The following PRKD3 variants were observed in gnomAD, a reference collection of about 807,000 sequenced individuals.
PRKD3 encodes protein kinase D3.
A neutral mutation model predicts 99.2 loss-of-function variants in PRKD3; 47 were observed. The ratio of observed to expected loss-of-function variants is 0.47; its 90% CI spans 0.38 to 0.60. The LOEUF (loss-of-function observed/expected upper bound fraction) is 0.60, where lower values mean the gene tolerates loss of function less well. PRKD3 is among the 20% of genes least tolerant of loss of function. The pLI, the probability that PRKD3 is intolerant of heterozygous loss-of-function variation, is 0.00. For missense variants in PRKD3, 1,019 were observed against 1,088.4 expected, an observed-to-expected ratio of 0.94 and a Z score of 0.90; for synonymous variants, 392 against 355.4, an observed-to-expected ratio of 1.10 and a Z score of -1.16.
chr2:37,304,754 A>G (rs13401288), intron 2 of PRKD3, among the ~76,000 whole-genome samples: 6,483 of 151,312 alleles, frequency 0.043, 155 homozygotes, highest in African/African-American at 0.049. Flanking sequence ...AAAAAAAGAA[A>G]AAGAAAAGAA....
intron 2 of PRKD3, among the ~76,000 whole-genome samples, chr2:37,307,796 CAA>C (rs1671227952): frequency 1.3e-5 from 2 of 152,200 alleles, no homozygotes; most frequent in Non-Finnish European, 2.9e-5. Flanking sequence ...GGATGAAATT[CAA>C]AGAGTGAACG....
chr2:37,254,388 G>A, intron 17 of PRKD3, 99 bp from the exon 18 acceptor site: 1 of 855,948 alleles, frequency 1.2e-6, no homozygotes, highest in Non-Finnish European at 1.9e-6. Flanking sequence ...GAAATACAGG[G>A]TTGAGGAATT....
Position 37,316,544 on chromosome 2 carries a change from T to C in PRKD3, c.-20A>G. On this transcript the variant is annotated 5_prime_UTR_variant, in exon 2 of 19. Coordinates refer to ENST00000234179, the MANE Select transcript of PRKD3 (RefSeq NM_005813.6). ...AGACATCTGCCTTTCTTTAATCTTT[T>C]AAAATAGTTGTCGATTCTTTTTCAA... is the stretch of plus-strand genomic sequence containing the variant. 1 of 1,598,660 alleles carries C rather than the reference T, an allele frequency of 6.3e-7. No individual in the cohort carries two copies. Among genetic ancestry groups the C allele is most frequent in the South Asian group, 1.1e-5 (1 of 88,900 alleles).
intron 14 of PRKD3, among the ~76,000 whole-genome samples, chr2:37,260,782 T>C (rs1013772315): frequency 1.4e-4 from 22 of 152,216 alleles, no homozygotes; most frequent in African/African-American, 4.6e-4. Context: ...TGATGGTATT[T>C]GCTTAAGAGT....
intron 14 of PRKD3, among the ~76,000 whole-genome samples, chr2:37,263,326 A>C (rs1388482868): frequency 6.6e-6 from 1 of 152,112 alleles, no homozygotes; most frequent in Non-Finnish European, 1.5e-5. Flanking sequence ...TTTGTAATTT[A>C]TTTCTGCTTT....
intron 2 of PRKD3, among the ~76,000 whole-genome samples, chr2:37,297,190 G>A (rs1670712673): frequency 1.3e-5 from 2 of 152,104 alleles, no homozygotes; most frequent in Non-Finnish European, 2.9e-5. Flanking sequence ...AGAACCACCT[G>A]TAGAGCTTAA....
At chr2:37,258,930 T>C (rs913711738) in intron 16 of PRKD3, among the ~76,000 whole-genome samples, 6 of 152,070 alleles carry the variant, frequency 3.9e-5, no homozygotes, top group South Asian at 2.1e-4. Context: ...TTGCCAATTA[T>C]GGAAAATGGC....
intron 6 of PRKD3, among the ~76,000 whole-genome samples, chr2:37,284,358 C>G (rs969596908): frequency 6.6e-6 from 1 of 152,096 alleles, no homozygotes; most frequent in Non-Finnish European, 1.5e-5. Context: ...TTCCAGAACC[C>G]TAAAAAGTTG....
intron 13 of PRKD3, 44 bp from the exon 14 acceptor site, chr2:37,267,580 G>A: frequency 5.2e-6 from 7 of 1,351,810 alleles, no homozygotes; most frequent in Non-Finnish European, 7.4e-6. Flanking sequence ...CAAACTGACA[G>A]CTTTATTAGG....
chr2:37,298,361 T>C (rs1055812436), intron 2 of PRKD3, among the ~76,000 whole-genome samples: 1 of 152,114 alleles, frequency 6.6e-6, no homozygotes, highest in Non-Finnish European at 1.5e-5. Context: ...GTTCTGCAGC[T>C]TGCTCTTTTT....
chr2:37,289,244 G>C, intron 5 of PRKD3, 112 bp downstream of exon 5: 3 of 1,266,992 alleles, frequency 2.4e-6, no homozygotes, highest in Non-Finnish European at 3.2e-6. Flanking sequence ...CTTAAGTGTA[G>C]GAACATTACC....
intron 17 of PRKD3, 93 bp downstream of exon 17, chr2:37,256,569 G>C: frequency 3.7e-6 from 5 of 1,369,360 alleles, no homozygotes; most frequent in South Asian, 1.6e-5. Flanking sequence ...AAGATAAGTT[G>C]CAAGAGACAG....
At chr2:37,253,601 T>G (rs1007365356) in intron 18 of PRKD3, among the ~76,000 whole-genome samples, 4 of 152,192 alleles carry the variant, frequency 2.6e-5, no homozygotes, top group African/African-American at 9.6e-5. Flanking sequence ...AAAATTTGCT[T>G]CAGGCTTCTT....
rs1667990009 is a variant in PRKD3, at chr2:37,256,808, G to T, written c.2267C>A (p.Ser756Tyr). Reference protein sequence around the residue: ...EVLRSKGYNRSLDMWSVGVII... With the variant: ...EVLRSKGYNRYLDMWSVGVII... Reference sequence around the variant, plus strand: ...AACTCCCACTGACCACATATCTAGGGAACGGTTGTAACCTTTGCTCCGGAG... The same window carrying T: ...AACTCCCACTGACCACATATCTAGGTAACGGTTGTAACCTTTGCTCCGGAG... Residue 756 changes from serine to tyrosine, a missense_variant, in exon 17 of 19, where the codon TCC becomes TAC. Physicochemically the swap from Ser to Tyr is moderately radical, Grantham distance 144 (BLOSUM62 -2). Around this residue, in one of 3 missense-constraint regions of PRKD3, gnomAD observed 184 missense variants for 275.1 expected, o/e 0.67. Transcript: ENST00000234179. The T allele has an allele frequency of 6.2e-7, 1 of 1,613,934 alleles. No individual in the cohort carries two copies. Among genetic ancestry groups the T allele is most frequent in the East Asian group, 2.2e-5 (1 of 44,854 alleles).
At chr2:37,265,296 T>C (rs2148511703) in intron 14 of PRKD3, among the ~76,000 whole-genome samples, 1 of 152,318 alleles carries the variant, frequency 6.6e-6, no homozygotes, top group South Asian at 2.1e-4. Flanking sequence ...TGAAAAAGTT[T>C]AGCTGTGATG....
chr2:37,302,433 AAAT>A (rs1203585286), intron 2 of PRKD3, among the ~76,000 whole-genome samples: 1 of 152,248 alleles, frequency 6.6e-6, no homozygotes, highest in Non-Finnish European at 1.5e-5. Context: ...TAATTTTAAA[AAAT>A]AATCTTTCTA....
At chr2:37,268,603 T>A in intron 13 of PRKD3, 1 of 254,110 alleles carries the variant, frequency 3.9e-6, no homozygotes. Context: ...AACCATGTTT[T>A]TATTTGATGG....
At chr2:37,305,312 A>C (rs1422506971) in intron 2 of PRKD3, among the ~76,000 whole-genome samples, 2 of 152,256 alleles carry the variant, frequency 1.3e-5, no homozygotes, top group Non-Finnish European at 2.9e-5. Context: ...AAATCGTCAA[A>C]ACTAAAACCA....
chr2:37,320,345 TTAAG>T lies in PRKD3; in HGVS notation c.-655-3170_-655-3167del, dbSNP rs570761706. Among the ~76,000 whole-genome samples the T allele has an allele frequency of 2.0e-3, 305 of 151,976 alleles. 2 individuals are homozygous for T. The highest frequency in any genetic ancestry group is 0.012 in the South Asian group (56 of 4,814). On this transcript the variant is annotated intron_variant, in intron 1 of 18. Coordinates refer to ENST00000234179, the MANE Select transcript of PRKD3 (RefSeq NM_005813.6). ...TAATGAGCTCCACAACGTATCTGAC[TTAAG>T]TAGTTTTTATAAGATGAACTACCAA... is the stretch of plus-strand genomic sequence containing the variant.
Sources: gnomAD v4.1 joint callset for allele counts (sites outside exome capture counted in the v4.1 genomes callset) on GRCh38, gnomAD v4.1.1 for gene constraint, gnomAD v4.1.1 regional missense constraint, MANE v1.5 for transcripts, NCBI Gene and HGNC (gene_info 2026-07-23, HGNC 2026-07-21) for gene names.